The following HIVEP2 variants were observed in gnomAD, a reference collection of about 807,000 sequenced individuals.
HIVEP2 encodes HIVEP zinc finger 2.
A neutral mutation model predicts 180.7 loss-of-function variants in HIVEP2; 14 were observed. That is an observed-to-expected ratio of 0.08 (90% CI 0.05 to 0.12). HIVEP2 has a LOEUF of 0.12. HIVEP2 is among the 10% of genes least tolerant of loss of function. The probability of loss-of-function intolerance (pLI) is 1.00; values close to 1 mark genes in which losing one functional copy is unlikely to be tolerated. For missense variants in HIVEP2, 2,579 were observed against 3,008.5 expected (o/e 0.86, Z 3.34); for synonymous variants, 1,184 against 1,136.4 (o/e 1.04, Z -0.84).
intron 6 of HIVEP2, among the ~76,000 whole-genome samples, chr6:142,765,459 T>C (rs197458): frequency 0.64 from 97,618 of 152,108 alleles, 31,668 homozygotes; most frequent in Non-Finnish European, 0.66. Context: ...GAATTCTTCA[T>C]TGCAAGTTCC....
At chr6:142,901,590 C>A (rs962136653) in intron 1 of HIVEP2, among the ~76,000 whole-genome samples, 5 of 152,126 alleles carry the variant, frequency 3.3e-5, no homozygotes, top group Middle Eastern at 3.2e-3. Context: ...TTTTGTACCT[C>A]CTAAGAAATC....
intron 2 of HIVEP2, among the ~76,000 whole-genome samples, chr6:142,825,490 C>T (rs184591706): frequency 1.3e-5 from 2 of 152,260 alleles, no homozygotes; most frequent in East Asian, 3.9e-4. Flanking sequence ...TAACCACTCA[C>T]ATTGTTGCCA....
intron 9 of HIVEP2, among the ~76,000 whole-genome samples, chr6:142,754,471 C>T (rs924257655): frequency 1.8e-4 from 28 of 152,060 alleles, no homozygotes; most frequent in African/African-American, 5.6e-4. Flanking sequence ...GAACAGATGA[C>T]AAAACAGTGG....
intron 1 of HIVEP2, among the ~76,000 whole-genome samples, chr6:142,889,875 A>C (rs1379190265): frequency 4.1e-4 from 63 of 152,202 alleles, no homozygotes; most frequent in Non-Finnish European, 1.0e-4. Flanking sequence ...GGCTCTTGAC[A>C]CTTGAAATGT....
chr6:142,857,872 G>A (rs1014369019), intron 1 of HIVEP2, among the ~76,000 whole-genome samples: 19 of 152,172 alleles, frequency 1.2e-4, no homozygotes, highest in Admixed American at 1.3e-4. Context: ...ACGGGGCTGC[G>A]GGCTGCTGTC....
At chr6:142,896,237 C>A (rs1776989217) in intron 1 of HIVEP2, among the ~76,000 whole-genome samples, 2 of 152,048 alleles carry the variant, frequency 1.3e-5, no homozygotes, top group South Asian at 4.1e-4. Flanking sequence ...GTTCTTCAAC[C>A]TTATGGAGAC....
chr6:142,838,206 C>G (rs1430003468), intron 1 of HIVEP2, among the ~76,000 whole-genome samples: 2 of 152,092 alleles, frequency 1.3e-5, no homozygotes, highest in Admixed American at 1.3e-4. Context: ...TACATACTAA[C>G]TAGAAATCCA....
intron 2 of HIVEP2, among the ~76,000 whole-genome samples, chr6:142,830,912 G>A (rs1451237527): frequency 6.6e-6 from 1 of 152,170 alleles, no homozygotes; most frequent in African/African-American, 2.4e-5. Flanking sequence ...CTGGTGTCCT[G>A]CATACTTTCC....
chr6:142,799,056 T>A (rs1776346605), intron 2 of HIVEP2, among the ~76,000 whole-genome samples: 1 of 152,152 alleles, frequency 6.6e-6, no homozygotes, highest in South Asian at 2.1e-4. Context: ...TTGAAAATGG[T>A]TATTTGATTT....
At chr6:142,757,163 C>T (rs1200737622) in intron 9 of HIVEP2, among the ~76,000 whole-genome samples, 2 of 152,146 alleles carry the variant, frequency 1.3e-5, no homozygotes, top group African/African-American at 4.8e-5. Flanking sequence ...GGTCCCTTCA[C>T]ACCACAGTCA....
intron 2 of HIVEP2, among the ~76,000 whole-genome samples, chr6:142,790,045 A>C (rs1776100786): frequency 6.6e-6 from 1 of 152,204 alleles, no homozygotes; most frequent in Non-Finnish European, 1.5e-5. Flanking sequence ...TTTCAGTATA[A>C]GCTATTTTCT....
At chr6:142,910,696 C>A (rs1265393094) in intron 1 of HIVEP2, among the ~76,000 whole-genome samples, 2 of 152,222 alleles carry the variant, frequency 1.3e-5, no homozygotes, top group African/African-American at 2.4e-5. Flanking sequence ...CCAGAAAAGT[C>A]TTCTTTAAGT....
chr6:142,916,038 C>T (rs1299442195), intron 1 of HIVEP2, among the ~76,000 whole-genome samples: 1 of 152,178 alleles, frequency 6.6e-6, no homozygotes, highest in African/African-American at 2.4e-5. Context: ...TACGTCCTCT[C>T]CTTCACTCTC....
At chr6:142,881,173 C>T (rs1776567007) in intron 1 of HIVEP2, among the ~76,000 whole-genome samples, 1 of 152,058 alleles carries the variant, frequency 6.6e-6, no homozygotes, top group Admixed American at 6.6e-5. Context: ...TTATGAATAC[C>T]TCTCCACTCA....
intron 1 of HIVEP2, among the ~76,000 whole-genome samples, chr6:142,895,634 T>C (rs1405082596): frequency 3.9e-5 from 6 of 152,224 alleles, no homozygotes; most frequent in African/African-American, 1.4e-4. Context: ...GCTAGTTTTA[T>C]AAAAACATAA....
chr6:142,852,550 C>A (rs1248631697), intron 1 of HIVEP2, among the ~76,000 whole-genome samples: 1 of 152,162 alleles, frequency 6.6e-6, no homozygotes, highest in Non-Finnish European at 1.5e-5. Context: ...AACTTGGGAG[C>A]TAAGTATCCC....
At chr6:142,802,964 G>A (rs1400863578) in intron 2 of HIVEP2, among the ~76,000 whole-genome samples, 1 of 152,054 alleles carries the variant, frequency 6.6e-6, no homozygotes, top group East Asian at 1.9e-4. Context: ...TGAGTTTAAA[G>A]ACTGACCAAA....
intron 9 of HIVEP2, among the ~76,000 whole-genome samples, chr6:142,757,805 C>T (rs1775115859): frequency 6.6e-6 from 1 of 152,210 alleles, no homozygotes; most frequent in East Asian, 1.9e-4. Context: ...GATGAACTCC[C>T]TTAGTCCACT....
intron 2 of HIVEP2, among the ~76,000 whole-genome samples, chr6:142,826,598 T>A (rs1343373357): frequency 1.3e-5 from 2 of 152,156 alleles, no homozygotes; most frequent in Non-Finnish European, 2.9e-5. Flanking sequence ...GGAATCCCAA[T>A]GTTGTAATAG....
Sources: gnomAD v4.1 joint callset for allele counts (sites outside exome capture counted in the v4.1 genomes callset) on GRCh38, gnomAD v4.1.1 for gene constraint, MANE v1.5 for transcripts, NCBI Gene and HGNC (gene_info 2026-07-23, HGNC 2026-07-21) for gene names.